FAM174A: variants seen among roughly 807,000 people sequenced by gnomAD.
FAM174A encodes the protein family with sequence similarity 174 member A.
FAM174A carries 14 observed loss-of-function variants against 14.3 expected under a neutral mutation model. The ratio of observed to expected loss-of-function variants is 0.98; its 90% confidence interval spans 0.65 to 1.53. FAM174A has a LOEUF of 1.53. FAM174A is among the 40% of genes most tolerant of loss of function. The probability of loss-of-function intolerance (pLI) is 0.00; values close to 1 mark genes in which losing one functional copy is unlikely to be tolerated. For missense variants in FAM174A, 241 were observed against 249.6 expected, an observed-to-expected ratio of 0.97 and a Z score of 0.23; for synonymous variants, 108 against 111.4, an observed-to-expected ratio of 0.97 and a Z score of 0.19.
intron 1 of FAM174A, among the ~76,000 whole-genome samples, chr5:100,547,227 C>T (rs1463928681): frequency 1.3e-5 from 2 of 151,870 alleles, no homozygotes; most frequent in Non-Finnish European, 2.9e-5. Flanking sequence ...TCTGTCCATT[C>T]ATAAAAAAAA....
In FAM174A at chr5:100,565,760, T is replaced by A. The variant is rs142266897; in HGVS notation, c.569+3572T>A. 1.8e-4 allele frequency among the ~76,000 whole-genome samples: 28 copies of A among 151,844 alleles called. 1 individual carries two copies. In the East Asian group the frequency reaches 5.3e-3, roughly 28 times the overall value. On this transcript the variant is annotated intron_variant, in intron 2 of 2. Transcript: ENST00000312637. ...AAATGTGCATTGACAGATGTATTAG[T>A]CCGTTTTCATACTGCTTGGAAGAAA...
intron 1 of FAM174A, among the ~76,000 whole-genome samples, chr5:100,546,099 A>G (rs563688571): frequency 6.6e-6 from 1 of 152,350 alleles, no homozygotes; most frequent in East Asian, 1.9e-4. Context: ...GACTTAATAC[A>G]ATAAAATTCT....
intron 2 of FAM174A, among the ~76,000 whole-genome samples, chr5:100,575,343 C>T (rs1345025285): frequency 6.6e-6 from 1 of 152,004 alleles, no homozygotes; most frequent in Non-Finnish European, 1.5e-5. Flanking sequence ...TGTTGGTGTG[C>T]TGCACCCATT....
intron 1 of FAM174A, among the ~76,000 whole-genome samples, chr5:100,554,217 C>T (rs1362272500): frequency 6.6e-6 from 1 of 151,610 alleles, no homozygotes; most frequent in African/African-American, 2.4e-5. Context: ...CTTATGTAAT[C>T]ACTTTTTAAA....
intron 1 of FAM174A, among the ~76,000 whole-genome samples, chr5:100,543,342 T>A (rs1746100648): frequency 6.6e-6 from 1 of 152,136 alleles, no homozygotes; most frequent in East Asian, 1.9e-4. Flanking sequence ...GGTCTCGAAC[T>A]CTTGAGCTCA....
intron 1 of FAM174A, among the ~76,000 whole-genome samples, chr5:100,561,468 A>T (rs1746520895): frequency 6.6e-6 from 1 of 152,098 alleles, no homozygotes; most frequent in Non-Finnish European, 1.5e-5. Flanking sequence ...GGTTTATATC[A>T]CATTGGAATC....
intron 2 of FAM174A, among the ~76,000 whole-genome samples, chr5:100,569,383 G>T (rs1746729064): frequency 9.1e-6 from 1 of 109,978 alleles, no homozygotes; most frequent in Non-Finnish European, 1.8e-5. Flanking sequence ...ACTCTATAGA[G>T]GCTATTATTA....
intron 1 of FAM174A, among the ~76,000 whole-genome samples, chr5:100,552,100 G>T (rs1314544175): frequency 6.6e-6 from 1 of 152,084 alleles, no homozygotes; most frequent in Non-Finnish European, 1.5e-5. Context: ...TGGAAATGGG[G>T]AATAAAGATG....
intron 2 of FAM174A, among the ~76,000 whole-genome samples, chr5:100,565,976 C>G (rs1746635793): frequency 6.6e-6 from 1 of 150,490 alleles, no homozygotes; most frequent in Middle Eastern, 3.4e-3. Context: ...GAGACTTATT[C>G]AATATCATAA....
At chr5:100,573,417 A>G (rs1348355193) in intron 2 of FAM174A, among the ~76,000 whole-genome samples, 1 of 151,932 alleles carries the variant, frequency 6.6e-6, no homozygotes, top group African/African-American at 2.4e-5. Flanking sequence ...TCCATCTTGA[A>G]TTGATTTTTG....
chr5:100,553,998 T>A (rs1746313494), intron 1 of FAM174A, among the ~76,000 whole-genome samples: 1 of 152,168 alleles, frequency 6.6e-6, no homozygotes, highest in African/African-American at 2.4e-5. Context: ...AATGACAGGT[T>A]AACATATTGA....
chr5:100,568,696 G>A (rs1467368464), intron 2 of FAM174A, among the ~76,000 whole-genome samples: 1 of 150,320 alleles, frequency 6.7e-6, no homozygotes, highest in Non-Finnish European at 1.5e-5. Context: ...GAGTTTCTTT[G>A]CCTATTAAAG....
intron 2 of FAM174A, among the ~76,000 whole-genome samples, chr5:100,565,236 A>G (rs1174595690): frequency 6.6e-6 from 1 of 151,862 alleles, no homozygotes; most frequent in East Asian, 1.9e-4. Context: ...GAACACATTA[A>G]TAGGTTGAAA....
intron 2 of FAM174A, among the ~76,000 whole-genome samples, chr5:100,568,758 T>C (rs899966256): frequency 1.7e-4 from 26 of 151,946 alleles, no homozygotes; most frequent in African/African-American, 6.3e-4. Context: ...GTTTGCAGTT[T>C]TCTCCTCACT....
intron 1 of FAM174A, among the ~76,000 whole-genome samples, chr5:100,543,014 A>G (rs1746092591): frequency 6.6e-6 from 1 of 152,060 alleles, no homozygotes. Context: ...GGATCACTCA[A>G]ACCTAGGATA....
In FAM174A at chr5:100,535,412, G is replaced by A. The variant is rs1275426991; in HGVS notation, c.-119G>A. ...GTAGCTTCTGCCACCTGCCACGACC[G>A]GGCCTCTCCCTGGCGTTTGGTCACC... On this transcript the variant is annotated 5_prime_UTR_variant, in exon 1 of 3. Coordinates refer to ENST00000312637, the MANE Select transcript of FAM174A (RefSeq NM_198507.3). 1 of 1,087,444 alleles carries A rather than the reference G, an allele frequency of 9.2e-7. No individual in the cohort carries two copies. Among genetic ancestry groups the A allele is most frequent in the African/African-American group, 1.6e-5 (1 of 63,572 alleles). The allele number at this position is 1,087,444 out of a possible 1,614,324, so 67.4% of individuals were successfully genotyped here. A position where few individuals can be genotyped will look rare whatever the true frequency, so the allele number is the denominator to read the frequency against.
intron 1 of FAM174A, among the ~76,000 whole-genome samples, chr5:100,545,563 T>C (rs1000849985): frequency 6.6e-6 from 1 of 152,160 alleles, no homozygotes; most frequent in Admixed American, 6.5e-5. Flanking sequence ...AGGGGTAATA[T>C]ATACTATGGT....
At chr5:100,538,558 G>C (rs1745985580) in intron 1 of FAM174A, among the ~76,000 whole-genome samples, 1 of 151,844 alleles carries the variant, frequency 6.6e-6, no homozygotes, top group African/African-American at 2.4e-5. Context: ...GAACACGGTA[G>C]GGACAAAGTA....
intron 1 of FAM174A, among the ~76,000 whole-genome samples, chr5:100,559,363 G>C (rs932113091): frequency 1.1e-4 from 16 of 152,074 alleles, no homozygotes; most frequent in East Asian, 3.9e-4. Flanking sequence ...CTCTGGCTGT[G>C]CTTAACATTT....
Sources: gnomAD v4.1 joint callset for allele counts (sites outside exome capture counted in the v4.1 genomes callset) on GRCh38, gnomAD v4.1.1 for gene constraint, MANE v1.5 for transcripts, NCBI Gene and HGNC (gene_info 2026-07-23, HGNC 2026-07-21) for gene names.